COL23A1: variants seen among roughly 807,000 people sequenced by gnomAD.
The protein encoded by COL23A1 is collagen type XXIII alpha 1 chain, also known as collagen alpha-1(XXIII) chain.
COL23A1 carries 97 observed loss-of-function variants against 99.3 expected under a neutral mutation model. That is an observed-to-expected ratio of 0.98 (90% CI 0.83 to 1.16). COL23A1 has a LOEUF of 1.16. Ranked by LOEUF, COL23A1 falls within the 50% of genes most tolerant of loss-of-function variation. The pLI is 0.00. For missense variants in COL23A1, 762 were observed against 757.4 expected (o/e 1.01, Z -0.07); for synonymous variants, 320 against 308.2 (o/e 1.04, Z -0.40).
chr5:178,348,497 G>T (rs1761118083), intron 2 of COL23A1, among the ~76,000 whole-genome samples: 2 of 152,258 alleles, frequency 1.3e-5, no homozygotes, highest in Middle Eastern at 6.8e-3. Flanking sequence ...ACCTCCCTTG[G>T]CAGTCAGGGT....
At chr5:178,465,065 A>C (rs1218308576) in intron 2 of COL23A1, among the ~76,000 whole-genome samples, 1 of 152,224 alleles carries the variant, frequency 6.6e-6, no homozygotes, top group African/African-American at 2.4e-5. Flanking sequence ...CACTTGATTT[A>C]AAAATCATAT....
chr5:178,466,343 A>G (rs1023489484), intron 2 of COL23A1, among the ~76,000 whole-genome samples: 3 of 152,206 alleles, frequency 2.0e-5, no homozygotes, highest in African/African-American at 7.2e-5. Context: ...TGCTGTTGAC[A>G]TAGTAGCTTG....
chr5:178,478,346 C>G lies in COL23A1; in HGVS notation c.361+82336G>C, dbSNP rs111880507. Reference sequence around the variant, plus strand: ...GCAACCTAGGGTTATCCGGGACTAACTGGAACAACTGTTCCCCTGGGCTAT... The same window carrying G: ...GCAACCTAGGGTTATCCGGGACTAAGTGGAACAACTGTTCCCCTGGGCTAT... On this transcript the variant is annotated intron_variant, in intron 2 of 28. Coordinates refer to ENST00000390654, the MANE Select transcript of COL23A1 (RefSeq NM_173465.4). Among the ~76,000 whole-genome samples the G allele has an allele frequency of 4.0e-3, 604 of 152,324 alleles. 5 individuals are homozygous for G. Among genetic ancestry groups the G allele is most frequent in the African/African-American group, 0.014 (568 of 41,578 alleles).
At position 178,330,823 on chromosome 5, in the gene COL23A1, T is replaced by G. The variant is rs73804798; in HGVS notation, c.362-23904A>C. ...CTGCACAATCCTCTTTCAGGGCAGG[T>G]GGGCTCTGTGCCTGGGAAGCCCTGC... On this transcript the variant is annotated intron_variant, in intron 2 of 28. Transcript: ENST00000390654. 5.5e-3 allele frequency among the ~76,000 whole-genome samples: 838 copies of G among 152,324 alleles called. 8 individuals carry two copies. Among genetic ancestry groups the G allele is most frequent in the African/African-American group, 0.019 (804 of 41,576 alleles).
intron 2 of COL23A1, among the ~76,000 whole-genome samples, chr5:178,414,623 T>G (rs889113821): frequency 6.6e-6 from 1 of 152,036 alleles, no homozygotes; most frequent in Non-Finnish European, 1.5e-5. Context: ...AATACAAAAA[T>G]TAGCTGGGCA....
chr5:178,269,043 C>T (rs1756071546), intron 6 of COL23A1, among the ~76,000 whole-genome samples: 1 of 152,104 alleles, frequency 6.6e-6, no homozygotes, highest in Non-Finnish European at 1.5e-5. Flanking sequence ...GCCACTCCTC[C>T]CAGAGAGCAC....
chr5:178,361,945 A>G (rs1387700398), intron 2 of COL23A1, among the ~76,000 whole-genome samples: 1 of 152,070 alleles, frequency 6.6e-6, no homozygotes, highest in Non-Finnish European at 1.5e-5. Flanking sequence ...TCCAAACCAC[A>G]AGCTGACATC....
In COL23A1 at chr5:178,588,154, G is replaced by C. The variant is rs111675312; in HGVS notation, c.294+1750C>G. Among the ~76,000 whole-genome samples the C allele has an allele frequency of 8.4e-3, 1,275 of 152,246 alleles. 22 individuals are homozygous for C. Among genetic ancestry groups the C allele is most frequent in the African/African-American group, 0.029 (1,202 of 41,548 alleles). On this transcript the variant is annotated intron_variant, in intron 1 of 28. Transcript: ENST00000390654. ...GAGAGAGAGAGAGAACACACACCCTGTCCAATAACTCATTGTTCAAGCACT... is the reference window on the plus strand; with the variant it reads ...GAGAGAGAGAGAGAACACACACCCTCTCCAATAACTCATTGTTCAAGCACT...
At chr5:178,561,162 A>ACC (rs1216086476) in intron 1 of COL23A1, among the ~76,000 whole-genome samples, 1 of 152,102 alleles carries the variant, frequency 6.6e-6, no homozygotes, top group Non-Finnish European at 1.5e-5. Context: ...TCACAAGGCC[A>ACC]CCCCGTCCAC....
chr5:178,268,344 C>T (rs1430154273), intron 7 of COL23A1, among the ~76,000 whole-genome samples: 6 of 152,184 alleles, frequency 3.9e-5, no homozygotes, highest in South Asian at 2.1e-4. Context: ...GATAGCTGTC[C>T]GCCTTGTCTT....
intron 2 of COL23A1, among the ~76,000 whole-genome samples, chr5:178,455,257 G>A (rs1169469549): frequency 2.6e-5 from 4 of 152,196 alleles, no homozygotes; most frequent in Admixed American, 1.3e-4. Flanking sequence ...GAAAAGTCAC[G>A]CACGGGCCTG....
chr5:178,325,054 C>T lies in COL23A1; in HGVS notation c.362-18135G>A, dbSNP rs10054819. ...TTCCCAGCTTTGCAGCTGTGCACTGCAGCCCCAAGAGGCTGAGTGACCCGC... is the reference window on the plus strand; with the variant it reads ...TTCCCAGCTTTGCAGCTGTGCACTGTAGCCCCAAGAGGCTGAGTGACCCGC... On this transcript the variant is annotated intron_variant, in intron 2 of 28. Coordinates refer to ENST00000390654, the MANE Select transcript of COL23A1 (RefSeq NM_173465.4). 5.0e-3 allele frequency among the ~76,000 whole-genome samples: 766 copies of T among 152,360 alleles called. 9 individuals are homozygous for T. The highest frequency in any genetic ancestry group is 0.017 in the African/African-American group (706 of 41,584).
chr5:178,288,662 G>T, intron 4 of COL23A1: 1 of 486,010 alleles, frequency 2.1e-6, no homozygotes, highest in Admixed American at 3.3e-5. Context: ...GTTCTGGAGG[G>T]TGCAGCCACA....
intron 3 of COL23A1, among the ~76,000 whole-genome samples, chr5:178,298,491 C>T (rs1228346510): frequency 1.3e-5 from 2 of 152,178 alleles, no homozygotes; most frequent in Non-Finnish European, 2.9e-5. Context: ...GGCCTACACA[C>T]CAGGAGGTGA....
intron 2 of COL23A1, among the ~76,000 whole-genome samples, chr5:178,539,320 A>G (rs547422423): frequency 1.3e-4 from 20 of 152,132 alleles, no homozygotes; most frequent in Non-Finnish European, 2.6e-4. Context: ...GCCGAGGTGG[A>G]TGGATCACCT....
chr5:178,397,323 G>A (rs1290215378), intron 2 of COL23A1, among the ~76,000 whole-genome samples: 2 of 152,244 alleles, frequency 1.3e-5, no homozygotes, highest in Non-Finnish European at 2.9e-5. Flanking sequence ...AGGAGGGGGC[G>A]CTCCGGCAGG....
At chr5:178,508,483 A>C (rs750015008) in intron 2 of COL23A1, among the ~76,000 whole-genome samples, 3 of 152,142 alleles carry the variant, frequency 2.0e-5, no homozygotes, top group African/African-American at 4.8e-5. Context: ...TGTTTAATCT[A>C]TCTTAGCCAG....
intron 2 of COL23A1, among the ~76,000 whole-genome samples, chr5:178,554,653 C>T (rs191802877): frequency 2.6e-5 from 4 of 152,246 alleles, no homozygotes; most frequent in Admixed American, 6.5e-5. Flanking sequence ...CCACCCTCCC[C>T]GACACCACAT....
intron 2 of COL23A1, among the ~76,000 whole-genome samples, chr5:178,554,415 G>A (rs1762162633): frequency 6.6e-6 from 1 of 152,182 alleles, no homozygotes; most frequent in Non-Finnish European, 1.5e-5. Flanking sequence ...CTGACCTGAG[G>A]TGATCTGCCC....
Sources: allele counts gnomAD v4.1 joint callset (sites outside exome capture counted in the v4.1 genomes callset), GRCh38; gene constraint gnomAD v4.1.1; transcripts MANE v1.5; gene names NCBI Gene and HGNC (gene_info 2026-07-23, HGNC 2026-07-21).